Variants in UVRAG observed in about 807,000 individuals in gnomAD.
UVRAG encodes the protein UV radiation resistance-associated gene protein.
UVRAG carries 19 observed loss-of-function variants against 78.0 expected under a neutral mutation model. The ratio of observed to expected loss-of-function variants is 0.24; its 90% CI spans 0.17 to 0.36. UVRAG has a LOEUF of 0.36. Among genes scored for constraint, UVRAG ranks in the 10% least tolerant of loss-of-function variants. The probability of loss-of-function intolerance (pLI) is 1.00; values close to 1 mark genes in which losing one functional copy is unlikely to be tolerated. For synonymous variants in UVRAG, 323 were observed against 324.6 expected (o/e 1.00, Z 0.05); for missense variants, 740 against 853.8 (o/e 0.87, Z 1.66).
chr11:75,948,166 A>G (rs1222963488), intron 6 of UVRAG, among the ~76,000 whole-genome samples: 1 of 152,160 alleles, frequency 6.6e-6, no homozygotes, highest in Non-Finnish European at 1.5e-5. Flanking sequence ...TTTTGTATAA[A>G]GAGCTCAAAT....
At chr11:75,977,316 G>A (rs557372200) in intron 7 of UVRAG, among the ~76,000 whole-genome samples, 2 of 152,286 alleles carry the variant, frequency 1.3e-5, no homozygotes, top group African/African-American at 4.8e-5. Context: ...GAGTAAGTGC[G>A]ATGTGGTGCT....
At chr11:75,850,383 CATCAGCA>C (rs1165477220) in intron 1 of UVRAG, among the ~76,000 whole-genome samples, 1 of 152,116 alleles carries the variant, frequency 6.6e-6, no homozygotes, top group South Asian at 2.1e-4. Context: ...TGAGGTCTAC[CATCAGCA>C]AATGCATGGA....
chr11:76,071,419 A>G (rs897067348), intron 13 of UVRAG, among the ~76,000 whole-genome samples: 1 of 152,164 alleles, frequency 6.6e-6, no homozygotes, highest in South Asian at 2.1e-4. Flanking sequence ...ATTGAGTGGC[A>G]GAGGTACCCA....
chr11:76,098,416 A>G (rs1338788793), intron 13 of UVRAG, among the ~76,000 whole-genome samples: 1 of 152,194 alleles, frequency 6.6e-6, no homozygotes, highest in African/African-American at 2.4e-5. Flanking sequence ...AAGGTCATAC[A>G]GAGAGTAACT....
At chr11:75,981,971 A>G (rs961672276) in intron 7 of UVRAG, among the ~76,000 whole-genome samples, 1 of 151,406 alleles carries the variant, frequency 6.6e-6, no homozygotes, top group Non-Finnish European at 1.5e-5. Flanking sequence ...CTATTGAAGC[A>G]TTTTTATGTT....
chr11:75,819,593 G>C (rs1258360960), intron 1 of UVRAG, among the ~76,000 whole-genome samples: 1 of 152,058 alleles, frequency 6.6e-6, no homozygotes, highest in Admixed American at 6.5e-5. Context: ...TGATCCGCCT[G>C]CCTTGGCCTC....
At chr11:76,067,660 A>G (rs1031394998) in intron 13 of UVRAG, among the ~76,000 whole-genome samples, 10 of 152,120 alleles carry the variant, frequency 6.6e-5, no homozygotes, top group Non-Finnish European at 1.0e-4. Flanking sequence ...GGAGAGGCTG[A>G]GGCATGAGAA....
rs1365721994 is a variant in UVRAG, at chr11:76,009,012, C to G, written c.1060+145C>G. 6 of 460,266 alleles carry G rather than the reference C, an allele frequency of 1.3e-5. No individual in the cohort carries two copies. In the South Asian group the frequency reaches 2.3e-4, roughly 18 times the overall value. 28.5% of individuals were successfully genotyped at this position (460,266 alleles called of 1,614,324 possible). On this transcript the variant is annotated intron_variant, in intron 11 of 14. Transcript: ENST00000356136. ...AATTGCAAGTATGTATATCAGACTC[C>G]TTGATGGGAGATAGAATGTTAGGTC...
At chr11:76,032,521 G>C (rs1429550713) in intron 12 of UVRAG, among the ~76,000 whole-genome samples, 1 of 152,166 alleles carries the variant, frequency 6.6e-6, no homozygotes, top group Non-Finnish European at 1.5e-5. Flanking sequence ...TGTTTATTGA[G>C]CACTAGGACA....
intron 6 of UVRAG, among the ~76,000 whole-genome samples, chr11:75,951,518 G>T (rs1392628081): frequency 6.6e-6 from 1 of 152,110 alleles, no homozygotes; most frequent in Non-Finnish European, 1.5e-5. Flanking sequence ...AAGTAGCTGG[G>T]ATTACAGGCA....
intron 13 of UVRAG, among the ~76,000 whole-genome samples, chr11:76,075,680 G>A (rs911362311): frequency 6.6e-6 from 1 of 151,382 alleles, no homozygotes; most frequent in African/African-American, 2.4e-5. Flanking sequence ...CTATCACCAC[G>A]GTCAATTATA....
intron 6 of UVRAG, chr11:75,914,460 A>C (rs1403944185): frequency 6.6e-6 from 1 of 152,172 alleles, no homozygotes; most frequent in African/African-American, 2.4e-5. Context: ...AAAATTCTGC[A>C]TGCTGTTTAG....
At chr11:75,910,860 G>A (rs1174621355) in intron 5 of UVRAG, among the ~76,000 whole-genome samples, 7 of 152,200 alleles carry the variant, frequency 4.6e-5, no homozygotes, top group African/African-American at 1.4e-4. Context: ...TGTTTCTGGT[G>A]TTCCTAGTCA....
intron 14 of UVRAG, among the ~76,000 whole-genome samples, chr11:76,125,245 G>A (rs1246438377): frequency 6.6e-6 from 1 of 152,166 alleles, no homozygotes; most frequent in African/African-American, 2.4e-5. Context: ...TTGCAGGCCG[G>A]CACCCCTAAT....
chr11:75,870,092 C>T (rs917681178), intron 3 of UVRAG, among the ~76,000 whole-genome samples: 7 of 152,090 alleles, frequency 4.6e-5, no homozygotes, highest in Non-Finnish European at 1.0e-4. Context: ...AAAAAATCAT[C>T]TGGGTCTATA....
intron 14 of UVRAG, among the ~76,000 whole-genome samples, chr11:76,133,933 A>T (rs370135629): frequency 6.8e-6 from 1 of 148,082 alleles, no homozygotes; most frequent in African/African-American, 2.5e-5. Context: ...TCTCTTTTAT[A>T]CTTTTTTTTT....
intron 1 of UVRAG, chr11:75,835,100 G>A (rs1945748113): frequency 6.6e-6 from 1 of 152,224 alleles, no homozygotes. Context: ...TACGGAGACT[G>A]TTCACTATAT....
intron 5 of UVRAG, among the ~76,000 whole-genome samples, chr11:75,909,594 C>G (rs991030201): frequency 1.3e-5 from 2 of 152,118 alleles, no homozygotes; most frequent in African/African-American, 4.8e-5. Context: ...CTGTATAGCT[C>G]TATTCCCCTA....
intron 13 of UVRAG, among the ~76,000 whole-genome samples, chr11:76,070,584 AT>A (rs1052411788): frequency 2.0e-5 from 3 of 152,154 alleles, no homozygotes; most frequent in Non-Finnish European, 2.9e-5. Flanking sequence ...ACAATATAAA[AT>A]TTTTTTAAAG....
Sources: gnomAD v4.1 joint callset for allele counts (sites outside exome capture counted in the v4.1 genomes callset) on GRCh38, gnomAD v4.1.1 for gene constraint, MANE v1.5 for transcripts, NCBI Gene and HGNC (gene_info 2026-07-23, HGNC 2026-07-21) for gene names.